NCKAP5: variants seen among roughly 807,000 people sequenced by gnomAD.
NCKAP5 encodes the protein nck-associated protein 5.
Under a neutral mutation model 167.0 loss-of-function variants are expected in NCKAP5, and 92 were observed. The observed-to-expected ratio is 0.55, with a 90% CI of 0.47 to 0.66. NCKAP5 has a LOEUF of 0.66. Among genes scored for constraint, NCKAP5 ranks in the 30% least tolerant of loss-of-function variants. The pLI is 0.00. For missense variants in NCKAP5, 2,378 were observed against 2,315.0 expected, an observed-to-expected ratio of 1.03 and a Z score of -0.56; for synonymous variants, 891 against 877.4, an observed-to-expected ratio of 1.02 and a Z score of -0.27.
intron 7 of NCKAP5, among the ~76,000 whole-genome samples, chr2:132,991,079 A>C (rs1010302269): frequency 2.6e-5 from 4 of 152,172 alleles, no homozygotes; most frequent in Admixed American, 6.6e-5. Context: ...CCTCAGCATA[A>C]GAGCTAATGC....
At chr2:133,198,239 CATACAT>C (rs2085524721) in intron 5 of NCKAP5, among the ~76,000 whole-genome samples, 1 of 152,076 alleles carries the variant, frequency 6.6e-6, no homozygotes, top group Non-Finnish European at 1.5e-5. Context: ...GTGGTGCAAA[CATACAT>C]GTATCTGAAG....
At chr2:133,032,943 C>A (rs186557088) in intron 6 of NCKAP5, among the ~76,000 whole-genome samples, 1 of 152,258 alleles carries the variant, frequency 6.6e-6, no homozygotes. Flanking sequence ...CATGAGAACT[C>A]ACTATCATGA....
the NCKAP5 span, among the ~76,000 whole-genome samples, chr2:133,647,235 G>A: frequency 1.3e-5 from 2 of 151,766 alleles, no homozygotes; most frequent in African/African-American, 4.8e-5. Context: ...TACTTAAGAG[G>A]CTGAGGTGGG....
At chr2:132,884,819 A>G (rs1375379655) in intron 8 of NCKAP5, among the ~76,000 whole-genome samples, 1 of 151,586 alleles carries the variant, frequency 6.6e-6, no homozygotes, top group Non-Finnish European at 1.5e-5. Flanking sequence ...TGAAAATGGG[A>G]ATTTATATGG....
chr2:133,328,076 T>G (rs546290099), intron 3 of NCKAP5, among the ~76,000 whole-genome samples: 3 of 152,190 alleles, frequency 2.0e-5, no homozygotes, highest in Admixed American at 6.5e-5. Flanking sequence ...TCTACCAACG[T>G]TGGGCCCCAA....
chr2:133,077,944 C>A (rs1458389329), intron 6 of NCKAP5, among the ~76,000 whole-genome samples: 1 of 152,128 alleles, frequency 6.6e-6, no homozygotes, highest in Non-Finnish European at 1.5e-5. Flanking sequence ...CTAAGAAACC[C>A]ATAGTCTTCA....
intron 19 of NCKAP5, among the ~76,000 whole-genome samples, chr2:132,679,234 T>C (rs1684887768): frequency 6.6e-6 from 1 of 152,100 alleles, no homozygotes; most frequent in African/African-American, 2.4e-5. Flanking sequence ...TGTCTTCCTG[T>C]AAAAACTACA....
chr2:133,223,515 T>C (rs1286744385), intron 4 of NCKAP5, among the ~76,000 whole-genome samples: 1 of 152,168 alleles, frequency 6.6e-6, no homozygotes, highest in Non-Finnish European at 1.5e-5. Context: ...GTTAAGTTAA[T>C]TAGCCTTTCC....
chr2:132,979,819 G>T (rs1200797349), intron 7 of NCKAP5, among the ~76,000 whole-genome samples: 1 of 152,056 alleles, frequency 6.6e-6, no homozygotes, highest in East Asian at 1.9e-4. Flanking sequence ...AGCTTTGCAT[G>T]TCTCCTATGC....
the NCKAP5 span, among the ~76,000 whole-genome samples, chr2:133,607,833 C>T: frequency 1.3e-5 from 2 of 152,158 alleles, no homozygotes; most frequent in Admixed American, 6.6e-5. Flanking sequence ...CCCAAGCTTG[C>T]CACTAGGAAA....
intron 3 of NCKAP5, among the ~76,000 whole-genome samples, chr2:133,367,820 A>C (rs543585943): frequency 6.6e-6 from 1 of 152,282 alleles, no homozygotes; most frequent in East Asian, 1.9e-4. Context: ...CTTTTTACCA[A>C]CTGAGTTGGG....
At chr2:133,666,545 A>G in the NCKAP5 span, among the ~76,000 whole-genome samples, 1 of 151,910 alleles carries the variant, frequency 6.6e-6, no homozygotes, top group African/African-American at 2.4e-5. Context: ...ACTATTACTT[A>G]TTTAACAGTC....
chr2:133,518,627 T>G (rs1156688352), intron 2 of NCKAP5, among the ~76,000 whole-genome samples: 3 of 152,048 alleles, frequency 2.0e-5, no homozygotes, highest in Non-Finnish European at 4.4e-5. Context: ...GTACTGGGAT[T>G]ACAGGCATGA....
At chr2:133,074,810 C>CA (rs2080543611) in intron 6 of NCKAP5, among the ~76,000 whole-genome samples, 1 of 151,764 alleles carries the variant, frequency 6.6e-6, no homozygotes, top group East Asian at 1.9e-4. Flanking sequence ...CAATAGACAG[C>CA]AAAAAAGAAT....
At chr2:132,725,788 T>C (rs1284429491) in intron 18 of NCKAP5, 29 bp from the exon 19 acceptor site, 2 of 1,608,206 alleles carry the variant, frequency 1.2e-6, no homozygotes, top group East Asian at 2.2e-5. Context: ...ACTGTTAAGA[T>C]AATTCATACA....
chr2:133,558,361 G>A (rs556372413), intron 2 of NCKAP5: 2 of 152,364 alleles, frequency 1.3e-5, no homozygotes, highest in East Asian at 1.9e-4. Context: ...GAGAATAAGA[G>A]CAAAAGGGAG....
the NCKAP5 span, among the ~76,000 whole-genome samples, chr2:133,657,757 G>A: frequency 7.2e-5 from 11 of 152,152 alleles, no homozygotes; most frequent in South Asian, 2.1e-4. Context: ...ACCTGCGGGC[G>A]TCACGAACTG....
chr2:132,811,125 A>G (rs890315965), intron 11 of NCKAP5, among the ~76,000 whole-genome samples: 6 of 152,168 alleles, frequency 3.9e-5, no homozygotes, highest in African/African-American at 1.4e-4. Flanking sequence ...TGAAACGTCT[A>G]TGGGTCTCTC....
At chr2:133,078,511 T>G (rs894352915) in intron 6 of NCKAP5, among the ~76,000 whole-genome samples, 1 of 151,986 alleles carries the variant, frequency 6.6e-6, no homozygotes, top group Non-Finnish European at 1.5e-5. Context: ...TGCTGCTGGA[T>G]GGTGAGTTGG....
Sources: allele counts gnomAD v4.1 joint callset (sites outside exome capture counted in the v4.1 genomes callset), GRCh38; gene constraint gnomAD v4.1.1; transcripts MANE v1.5; gene names NCBI Gene and HGNC (gene_info 2026-07-23, HGNC 2026-07-21).